Variants in NTN4 observed in about 807,000 individuals in gnomAD.
NTN4 encodes netrin-4.
NTN4 carries 32 observed loss-of-function variants against 73.6 expected under a neutral mutation model. The ratio of observed to expected loss-of-function variants is 0.44; its 90% CI spans 0.33 to 0.58. The LOEUF is 0.58. Ranked by LOEUF, NTN4 falls within the 20% of genes least tolerant of loss-of-function variation. The probability of loss-of-function intolerance (pLI) is 0.04; values close to 1 mark genes in which losing one functional copy is unlikely to be tolerated. For missense variants in NTN4, 654 were observed against 798.3 expected (o/e 0.82, Z 2.18); for synonymous variants, 258 against 287.5 (o/e 0.90, Z 1.04).
chr12:95,680,957 A>G (rs896317688), intron 7 of NTN4, among the ~76,000 whole-genome samples: 5 of 152,114 alleles, frequency 3.3e-5, no homozygotes, highest in Non-Finnish European at 4.4e-5. Context: ...TGGGAGGCCG[A>G]GGTGGGTGGA....
intron 5 of NTN4, among the ~76,000 whole-genome samples, chr12:95,709,123 T>TA (rs1300861678): frequency 5.3e-5 from 8 of 152,224 alleles, no homozygotes; most frequent in Admixed American, 2.0e-4. Context: ...TCCCTGATGT[T>TA]AAAAAAATAT....
chr12:95,766,166 T>A (rs1222979285), intron 2 of NTN4, among the ~76,000 whole-genome samples: 2 of 152,222 alleles, frequency 1.3e-5, no homozygotes, highest in African/African-American at 4.8e-5. Context: ...AGGGTGCTCC[T>A]CTTACAGTAG....
At chr12:95,673,161 T>C in intron 7 of NTN4, 1 of 618,922 alleles carries the variant, frequency 1.6e-6, no homozygotes, top group Non-Finnish European at 2.8e-6. Context: ...ACTGACCACA[T>C]CTGTAGGCAT....
At chr12:95,765,754 T>C (rs933476694) in intron 2 of NTN4, among the ~76,000 whole-genome samples, 12 of 152,236 alleles carry the variant, frequency 7.9e-5, no homozygotes, top group African/African-American at 2.4e-4. Context: ...ATAGCACTTA[T>C]ATAGTACTTA....
intron 7 of NTN4, among the ~76,000 whole-genome samples, chr12:95,671,703 T>C (rs1330211055): frequency 6.6e-6 from 1 of 152,180 alleles, no homozygotes; most frequent in Non-Finnish European, 1.5e-5. Context: ...CACAGATATA[T>C]AGCATTCTCA....
At chr12:95,724,047 T>C (rs2078671469) in intron 3 of NTN4, among the ~76,000 whole-genome samples, 2 of 152,198 alleles carry the variant, frequency 1.3e-5, no homozygotes, top group Non-Finnish European at 1.5e-5. Flanking sequence ...TCAAGAATAC[T>C]TGAGGATTTA....
chr12:95,759,091 C>A (rs1011890520), intron 2 of NTN4, among the ~76,000 whole-genome samples: 1 of 152,184 alleles, frequency 6.6e-6, no homozygotes, highest in African/African-American at 2.4e-5. Context: ...ATATGAATGT[C>A]TAATTATTCC....
intron 4 of NTN4, 32 bp from the exon 5 acceptor site, chr12:95,710,661 A>G (rs901960231): frequency 6.3e-7 from 1 of 1,586,258 alleles, no homozygotes; most frequent in Non-Finnish European, 8.6e-7. Flanking sequence ...AGAAACACTA[A>G]TAAGTAAAAA....
Position 95,697,030 on chromosome 12 carries a change from C to A in NTN4, c.1181-13319G>T, listed in dbSNP as rs2078447630. Among the ~76,000 whole-genome samples the A allele has an allele frequency of 1.3e-5, 2 of 151,908 alleles. 1 individual carries two copies. The highest frequency in any genetic ancestry group is 1.3e-4 in the Admixed American group (2 of 15,236). On this transcript the variant is annotated intron_variant, in intron 5 of 9. Coordinates refer to ENST00000343702, the MANE Select transcript of NTN4 (RefSeq NM_021229.4). Reference sequence around the variant, plus strand: ...ACAAAAAATAAAAAAAAAAAATTAGCTGAGTGTGGTGGCATGTGCATGTAG... The same window carrying A: ...ACAAAAAATAAAAAAAAAAAATTAGATGAGTGTGGTGGCATGTGCATGTAG...
chr12:95,776,969 GA>G (rs1273568456), intron 2 of NTN4, among the ~76,000 whole-genome samples: 1 of 152,152 alleles, frequency 6.6e-6, no homozygotes, highest in African/African-American at 2.4e-5. Flanking sequence ...TCTCTTGGTG[GA>G]AACTCTGCAA....
At chr12:95,670,801 T>G (rs2078221379) in intron 7 of NTN4, among the ~76,000 whole-genome samples, 1 of 149,188 alleles carries the variant, frequency 6.7e-6, no homozygotes, top group African/African-American at 2.5e-5. Flanking sequence ...GGGAAAAAAC[T>G]TCTTGGATCA....
chr12:95,688,340 A>G (rs988814425), intron 5 of NTN4, among the ~76,000 whole-genome samples: 1 of 152,130 alleles, frequency 6.6e-6, no homozygotes, highest in Admixed American at 6.6e-5. Flanking sequence ...TTGAGGGACA[A>G]ATAGAAGTCG....
At chr12:95,761,306 G>T (rs2078984823) in intron 2 of NTN4, among the ~76,000 whole-genome samples, 1 of 147,024 alleles carries the variant, frequency 6.8e-6, no homozygotes, top group African/African-American at 2.5e-5. Flanking sequence ...ATTTTCCCGA[G>T]GCAGGACAAA....
Position 95,790,194 on chromosome 12 carries a change from C to A in NTN4, c.55+61G>T. On this transcript the variant is annotated intron_variant, in intron 1 of 9. Coordinates refer to ENST00000343702, the MANE Select transcript of NTN4 (RefSeq NM_021229.4). The surrounding 1 kb of genome is among the most constrained non-coding windows in gnomAD (Gnocchi z 6.5). Reference sequence around the variant, plus strand: ...CCTGGCTCCCCTGCACCCCCGAGTCCCGAGATGGGTTAGAGAAGCAGCGAG... The same window carrying A: ...CCTGGCTCCCCTGCACCCCCGAGTCACGAGATGGGTTAGAGAAGCAGCGAG... The A allele has an allele frequency of 6.9e-7, 1 of 1,458,046 alleles. No homozygotes were observed. Among genetic ancestry groups the A allele is most frequent in the East Asian group, 2.8e-5 (1 of 35,406 alleles). The allele number at this position is 1,458,046 out of a possible 1,614,324, so 90.3% of individuals were successfully genotyped here. A position where few individuals can be genotyped will look rare whatever the true frequency, so the allele number is the denominator to read the frequency against.
chr12:95,772,656 A>G (rs182251026), intron 2 of NTN4, among the ~76,000 whole-genome samples: 1 of 152,302 alleles, frequency 6.6e-6, no homozygotes, highest in East Asian at 1.9e-4. Flanking sequence ...ATCTCAGTAA[A>G]TGGTCGTTGC....
At chr12:95,662,210 C>G (rs1407783739) in intron 9 of NTN4, among the ~76,000 whole-genome samples, 18 of 145,914 alleles carry the variant, frequency 1.2e-4, no homozygotes, top group African/African-American at 4.3e-4. Flanking sequence ...TCCCTCCCCT[C>G]TCCTTCTGTT....
chr12:95,684,452 T>TGGCTA (rs2078345310), intron 5 of NTN4, among the ~76,000 whole-genome samples: 1 of 151,688 alleles, frequency 6.6e-6, no homozygotes, highest in Non-Finnish European at 1.5e-5. Flanking sequence ...GCCGGCACCA[T>TGGCTA]CATACCTGGC....
rs185085018 is a variant in NTN4, at chr12:95,789,153, A to T, written c.55+1102T>A. Among the ~76,000 whole-genome samples, 13 of 152,306 alleles carry T rather than the reference A, an allele frequency of 8.5e-5. No individual in the cohort carries two copies. In the East Asian group the frequency reaches 2.1e-3, roughly 25 times the overall value. On this transcript the variant is annotated intron_variant, in intron 1 of 9. Coordinates refer to ENST00000343702, the MANE Select transcript of NTN4 (RefSeq NM_021229.4). The surrounding 1 kb of genome is among the most constrained non-coding windows in gnomAD (Gnocchi z 4.0). Reference sequence around the variant, plus strand: ...TCCATGGGGCAAAATACTTGGAGTCACTCAAGGGACTATTCAATGATACTA... The same window carrying T: ...TCCATGGGGCAAAATACTTGGAGTCTCTCAAGGGACTATTCAATGATACTA...
chr12:95,774,077 T>G (rs1483517377), intron 2 of NTN4, among the ~76,000 whole-genome samples: 4 of 152,162 alleles, frequency 2.6e-5, no homozygotes, highest in Non-Finnish European at 4.4e-5. Context: ...AACTTTATTA[T>G]GCAAAGTGCA....
Sources: gnomAD v4.1 joint callset for allele counts (sites outside exome capture counted in the v4.1 genomes callset) on GRCh38, gnomAD v4.1.1 for gene constraint, Gnocchi (gnomAD v3.1) non-coding constraint, MANE v1.5 for transcripts, NCBI Gene and HGNC (gene_info 2026-07-23, HGNC 2026-07-21) for gene names.